The following CDNF variants were observed in gnomAD, a reference collection of about 807,000 sequenced individuals.
CDNF encodes the protein cerebral dopamine neurotrophic factor.
CDNF carries 9 observed loss-of-function variants against 14.8 expected under a neutral mutation model. The ratio of observed to expected loss-of-function variants is 0.61; its 90% confidence interval spans 0.37 to 1.06. CDNF has a LOEUF of 1.06. Ranked by LOEUF, CDNF falls within the 50% of genes least tolerant of loss-of-function variation. The pLI, the probability that CDNF is intolerant of heterozygous loss-of-function variation, is 0.01. For missense variants in CDNF, 228 were observed against 228.4 expected, an observed-to-expected ratio of 1.00 and a Z score of 0.01; for synonymous variants, 86 against 87.2, an observed-to-expected ratio of 0.99 and a Z score of 0.07.
At chr10:14,828,075 T>G in intron 2 of CDNF, 70 bp downstream of exon 2, 1 of 1,517,734 alleles carries the variant, frequency 6.6e-7, no homozygotes, top group Non-Finnish European at 9.1e-7. Flanking sequence ...GGACTTCACG[T>G]CTAAGAAATG....
At position 14,825,480 on chromosome 10, in the gene CDNF, A is replaced by G. The variant is rs1343466831; in HGVS notation, c.384T>C (p.Tyr128=). Residue 128 remains tyrosine (Y), a splice_region_variant and synonymous_variant, in exon 3 of 4, where the codon TAT becomes TAC. Transcript: ENST00000465530. ...KLDSQICELK[Y]EKTLDLASVD... The stretch of plus-strand genomic sequence containing the variant: ...GAAAAACACGGGGCTGTGTTATACC[A>G]TATTTCAGCTCACAGATCTGGCTAT... 1.2e-6 allele frequency: 2 copies of G among 1,613,962 alleles called. No individual in the cohort carries two copies. Among genetic ancestry groups the G allele is most frequent in the Non-Finnish European group, 1.7e-6 (2 of 1,179,956 alleles).
At chr10:14,826,089 AAGAAGAAGCAGCAGCAGC>A (rs1357552252) in intron 2 of CDNF, among the ~76,000 whole-genome samples, 19 of 125,504 alleles carry the variant, frequency 1.5e-4, no homozygotes, top group South Asian at 1.1e-3. Context: ...GAAGAAGAAG[AAGAAGAAGCAGCAGCAGC>A]AGCAGCAGCA....
chr10:14,828,158 T>A lies in CDNF; in HGVS notation c.230A>T (p.Lys77Ile). 3 of 1,613,964 alleles carry A rather than the reference T, an allele frequency of 1.9e-6. 1 individual carries two copies. The highest frequency in any genetic ancestry group is 2.2e-5 in the South Asian group (2 of 91,064). ...AATTTACTATACCAGGCGGTTTTCT[T>A]TTCCTTTGGTGTCCAAGCAAAAACT... The part of the protein sequence containing the change: ...LISFCLDTKG[K>I]ENRLCYYLGA... The change falls in exon 2 of 4, where the codon AAA (lysine) becomes ATA (isoleucine). Residue 77 changes from lysine to isoleucine, a missense_variant. Transcript: ENST00000465530.
intron 2 of CDNF, 35 bp from the exon 3 acceptor site, chr10:14,825,655 C>T: frequency 6.2e-7 from 1 of 1,603,054 alleles, no homozygotes; most frequent in Middle Eastern, 1.7e-4. Context: ...GTGTTCCAGA[C>T]AATGAAGACA....
chr10:14,826,191 C>T (rs62646941), intron 2 of CDNF, among the ~76,000 whole-genome samples: 1 of 134,032 alleles, frequency 7.5e-6, no homozygotes, highest in East Asian at 2.2e-4. Context: ...GAAGCAGAAG[C>T]AGCAGAAGAA....
In CDNF at chr10:14,819,945, C is replaced by A. The variant is rs372311274; in HGVS notation, c.*35G>T. On this transcript the variant is annotated 3_prime_UTR_variant, in exon 4 of 4. Transcript: ENST00000465530. ...ATATCCTAGAGAGTCACTTTTCTCT[C>A]TAATTACAAGTCACAAATGTGCTGG... 1.9e-6 allele frequency: 3 copies of A among 1,592,630 alleles called. No individual in the cohort carries two copies. Among genetic ancestry groups the A allele is most frequent in the Non-Finnish European group, 2.6e-6 (3 of 1,168,576 alleles).
At chr10:14,827,019 C>G (rs1385568049) in intron 2 of CDNF, among the ~76,000 whole-genome samples, 1 of 127,616 alleles carries the variant, frequency 7.8e-6, no homozygotes, top group African/African-American at 3.1e-5. Context: ...AGTTCGAGAT[C>G]AGCCTGGGCT....
intron 1 of CDNF, among the ~76,000 whole-genome samples, chr10:14,833,119 C>CA (rs2131627993): frequency 6.6e-6 from 1 of 152,190 alleles, no homozygotes; most frequent in East Asian, 1.9e-4. Context: ...CTCAGCCTCC[C>CA]AAAGTGCTGG....
At chr10:14,826,056 A>C (rs929833880) in intron 2 of CDNF, among the ~76,000 whole-genome samples, 20 of 133,202 alleles carry the variant, frequency 1.5e-4, no homozygotes, top group Non-Finnish European at 2.2e-4. Context: ...GAAGAAGAAG[A>C]AGAAGAAGAA....
At position 14,820,152 on chromosome 10, in the gene CDNF, G is replaced by T; in HGVS notation, c.392C>A (p.Thr131Lys). The T allele has an allele frequency of 6.2e-7, 1 of 1,602,062 alleles. No individual in the cohort carries two copies. Among genetic ancestry groups the T allele is most frequent in the South Asian group, 1.1e-5 (1 of 88,344 alleles). Reference sequence around the variant, plus strand: ...CAGGTCAACTGATGCCAAGTCCAGTGTTTTTTCTAAATGGCAAAAAGGAAA... The same window carrying T: ...CAGGTCAACTGATGCCAAGTCCAGTTTTTTTTCTAAATGGCAAAAAGGAAA... ...SQICELKYEK[T>K]LDLASVDLRK... Residue 131 changes from threonine to lysine, a missense_variant, in exon 4 of 4, where the codon ACA becomes AAA. Coordinates refer to ENST00000465530, the MANE Select transcript of CDNF (RefSeq NM_001029954.3).
At chr10:14,825,396 G>A (rs1833770764) in intron 3 of CDNF, 83 bp downstream of exon 3, 7 of 1,388,942 alleles carry the variant, frequency 5.0e-6, no homozygotes. Flanking sequence ...TTTTAACACT[G>A]AATTTTTAGA....
In CDNF at chr10:14,838,007, A is replaced by G. The variant is rs1403456432; in HGVS notation, c.-61T>C. 1 of 1,254,448 alleles carries G rather than the reference A, an allele frequency of 8.0e-7. No homozygotes were observed. Among genetic ancestry groups the G allele is most frequent in the Admixed American group, 2.0e-5 (1 of 49,874 alleles). The allele number at this position is 1,254,448 out of a possible 1,614,324, so 77.7% of individuals were successfully genotyped here. ...CGCCCACCGCCCACCAAGCTGCCAAAGCGAGCTGAGCAGAATTCGAGGTTG... is the reference window on the plus strand; with the variant it reads ...CGCCCACCGCCCACCAAGCTGCCAAGGCGAGCTGAGCAGAATTCGAGGTTG... On this transcript the variant is annotated 5_prime_UTR_variant, in exon 1 of 4. Coordinates refer to ENST00000465530, the MANE Select transcript of CDNF (RefSeq NM_001029954.3).
intron 2 of CDNF, among the ~76,000 whole-genome samples, chr10:14,826,221 C>A (rs1344033551): frequency 3.6e-4 from 50 of 139,512 alleles, no homozygotes; most frequent in East Asian, 4.2e-4. Flanking sequence ...GAAGAAGAAG[C>A]AGAAGCAGAA....
intron 1 of CDNF, chr10:14,836,145 A>T (rs1334207805): frequency 6.6e-6 from 1 of 152,234 alleles, no homozygotes. Flanking sequence ...TTTTAATCTT[A>T]TACATTGAGA....
At chr10:14,832,743 A>G (rs1487014560) in intron 1 of CDNF, among the ~76,000 whole-genome samples, 3 of 152,086 alleles carry the variant, frequency 2.0e-5, no homozygotes, top group African/African-American at 7.2e-5. Context: ...TAATCCCAAT[A>G]ATTTTGGCCA....
chr10:14,834,638 G>A (rs990558757), intron 1 of CDNF, among the ~76,000 whole-genome samples: 2 of 152,064 alleles, frequency 1.3e-5, no homozygotes, highest in Non-Finnish European at 2.9e-5. Context: ...CAAACTGAGC[G>A]CCTACCATAT....
At chr10:14,826,041 A>G (rs796700652) in intron 2 of CDNF, among the ~76,000 whole-genome samples, 1,156 of 93,208 alleles carry the variant, frequency 0.012, 32 homozygotes, top group South Asian at 0.058. Context: ...GAAGAAGAAG[A>G]AGAAGAAGAA....
intron 3 of CDNF, among the ~76,000 whole-genome samples, chr10:14,820,739 A>T (rs912540313): frequency 3.9e-5 from 6 of 152,164 alleles, no homozygotes; most frequent in Admixed American, 6.5e-5. Flanking sequence ...CTCAAAAAAA[A>T]AATACAAACA....
intron 3 of CDNF, among the ~76,000 whole-genome samples, chr10:14,824,198 C>A (rs1833760443): frequency 6.6e-6 from 1 of 152,118 alleles, no homozygotes; most frequent in South Asian, 2.1e-4. Context: ...GGAAGGAATT[C>A]CACATCCTTT....
Sources: allele counts gnomAD v4.1 joint callset (sites outside exome capture counted in the v4.1 genomes callset), GRCh38; gene constraint gnomAD v4.1.1; transcripts MANE v1.5; gene names NCBI Gene and HGNC (gene_info 2026-07-23, HGNC 2026-07-21).